ABR: variants seen among roughly 807,000 people sequenced by gnomAD.
ABR encodes the protein active breakpoint cluster region-related protein.
A neutral mutation model predicts 107.2 loss-of-function variants in ABR; 35 were observed. The observed-to-expected ratio is 0.33, with a 90% CI of 0.25 to 0.43. The LOEUF (loss-of-function observed/expected upper bound fraction) is 0.43, where lower values mean the gene tolerates loss of function less well. ABR is among the 20% of genes least tolerant of loss of function. The pLI is 1.00. For synonymous variants in ABR, 498 were observed against 462.0 expected, an observed-to-expected ratio of 1.08 and a Z score of -1.00; for missense variants, 815 against 1,115.2, an observed-to-expected ratio of 0.73 and a Z score of 3.83.
At chr17:1,211,585 T>C (rs914767665) in intron 1 of ABR, among the ~76,000 whole-genome samples, 2 of 152,194 alleles carry the variant, frequency 1.3e-5, no homozygotes, top group Non-Finnish European at 1.5e-5. Flanking sequence ...TTCCAGGAAA[T>C]AGACACTATT....
At position 1,010,854 on chromosome 17, in the gene ABR, T is replaced by A. The variant is rs1473364890; in HGVS notation, c.2111A>T (p.Asp704Val). The A allele has an allele frequency of 1.2e-6, 2 of 1,613,732 alleles. No individual in the cohort carries two copies. The highest frequency in any genetic ancestry group is 1.7e-6 in the Non-Finnish European group (2 of 1,179,990). The change falls in exon 20 of 23, where the codon GAC (aspartate) becomes GTC (valine). Residue 704 changes from aspartate to valine, a missense_variant. Transcript: ENST00000302538. The surrounding 1 kb of genome is among the most constrained non-coding windows in gnomAD (Gnocchi z 4.1). ...LKAVFDANNK[D>V]ILLMLSDMDI... ...CATGTCACTCAGCATCAGCAGGATG[T>A]CCTTGTTATCTGCAGGGGTGGGGCC...
upstream of ABR, among the ~76,000 whole-genome samples, chr17:1,180,052 T>TG (rs1555614481): frequency 1.6e-4 from 2 of 12,566 alleles, no homozygotes; most frequent in African/African-American, 7.2e-4. Context: ...GGCGGGGCTT[T>TG]GGTGCGGGGG....
chr17:1,128,210 A>G (rs2151461757), intron 1 of ABR, among the ~76,000 whole-genome samples: 1 of 152,308 alleles, frequency 6.6e-6, no homozygotes, highest in African/African-American at 2.4e-5. Context: ...AACCAGGAAA[A>G]GGGGTACAGA....
chr17:1,023,003 CCAGAGCCTCTGCCGGCCCCACGTCCACTG>C (rs2071818975), intron 16 of ABR, among the ~76,000 whole-genome samples: 1 of 144,920 alleles, frequency 6.9e-6, no homozygotes, highest in Non-Finnish European at 1.5e-5. Context: ...CACGTCCGCT[CCAGAGCCTCTGCCGGCCCCACGTCCACTG>C]CAGAGCCTCT....
intron 4 of ABR, among the ~76,000 whole-genome samples, chr17:1,089,348 G>A (rs911073655): frequency 1.6e-4 from 25 of 152,170 alleles, no homozygotes; most frequent in Non-Finnish European, 3.1e-4. Context: ...GCAGTTTTCA[G>A]ATATTAACTC....
At chr17:1,181,567 G>A (rs1375340313), upstream of ABR, among the ~76,000 whole-genome samples, 2 of 152,330 alleles carry the variant, frequency 1.3e-5, no homozygotes, top group South Asian at 2.1e-4. Context: ...GGAGGGCCAA[G>A]CAGGCACCTG....
At chr17:1,172,554 T>A (rs748439139) in intron 1 of ABR, among the ~76,000 whole-genome samples, 2 of 151,958 alleles carry the variant, frequency 1.3e-5, no homozygotes, top group Non-Finnish European at 2.9e-5. Context: ...ATCGAGACCA[T>A]CCTGGCCAAC....
chr17:1,180,186 C>T (rs1430042008), upstream of ABR, among the ~76,000 whole-genome samples: 2 of 151,940 alleles, frequency 1.3e-5, no homozygotes, highest in African/African-American at 4.8e-5. Flanking sequence ...CGGGGGGTCT[C>T]CAGGCGGCGG....
chr17:1,135,554 A>G (rs1042678920), intron 1 of ABR, among the ~76,000 whole-genome samples: 58 of 151,696 alleles, frequency 3.8e-4, no homozygotes, highest in Admixed American at 2.0e-4. Context: ...CCCAGCCCTG[A>G]CCATTATTCC....
intron 16 of ABR, among the ~76,000 whole-genome samples, chr17:1,023,775 A>G (rs73283481): frequency 0.016 from 2,395 of 152,264 alleles, 60 homozygotes; most frequent in East Asian, 0.12. Flanking sequence ...CTGTAATCCC[A>G]GCACTGTGGG....
intron 2 of ABR, chr17:1,108,822 G>C (rs545752104): frequency 4.5e-6 from 4 of 882,906 alleles, no homozygotes; most frequent in Admixed American, 8.4e-5. Flanking sequence ...ACCCTCCGCC[G>C]AGGGCTTCCA....
At chr17:1,101,887 C>T (rs954338658) in intron 2 of ABR, among the ~76,000 whole-genome samples, 1 of 152,076 alleles carries the variant, frequency 6.6e-6, no homozygotes, top group Non-Finnish European at 1.5e-5. Context: ...GCTCCCGCCA[C>T]CACGCCCAGC....
In ABR at chr17:1,106,841, C is replaced by T. The variant is rs189846150; in HGVS notation, c.247-6106G>A. Among the ~76,000 whole-genome samples, 277 of 152,306 alleles carry T rather than the reference C, an allele frequency of 1.8e-3. 1 individual carries two copies. Among genetic ancestry groups the T allele is most frequent in the African/African-American group, 6.2e-3 (257 of 41,582 alleles). The stretch of plus-strand genomic sequence containing the variant: ...CACCGCATCTGGCCCACCCTGCCTA[C>T]TTCCGTACTCTATTCCTACTCCCTG... On this transcript the variant is annotated intron_variant, in intron 2 of 22. Transcript: ENST00000302538.
At chr17:1,008,892 T>G (rs1210133938) in intron 21 of ABR, among the ~76,000 whole-genome samples, 1 of 152,180 alleles carries the variant, frequency 6.6e-6, no homozygotes, top group Non-Finnish European at 1.5e-5. Context: ...TGGACCTGAC[T>G]AGAAAGGGTG....
chr17:1,026,505 G>A (rs180836309), intron 16 of ABR, among the ~76,000 whole-genome samples: 4 of 152,158 alleles, frequency 2.6e-5, no homozygotes, highest in Admixed American at 2.6e-4. Flanking sequence ...GTCTTGAAGC[G>A]GGACTGGGGA....
chr17:1,194,658 ATT>A (rs1177252815), intron 1 of ABR, among the ~76,000 whole-genome samples: 1 of 112,602 alleles, frequency 8.9e-6, no homozygotes, highest in Non-Finnish European at 1.9e-5. Context: ...CACCCAGCTA[ATT>A]TTTTTTTTTT....
chr17:1,137,867 A>T (rs572374600), intron 1 of ABR, among the ~76,000 whole-genome samples: 1 of 152,028 alleles, frequency 6.6e-6, no homozygotes, highest in Non-Finnish European at 1.5e-5. Context: ...TTTAGGTTGG[A>T]GCAAAGGTAA....
rs1228192671 is a variant in ABR, at chr17:1,207,192, C to T, written c.838+21601G>A. ...GCTTGAGCCCAGGAGTTCAAGGGTG[C>T]CAGTGAGCTGTGATTGTGCCACTGG... On this transcript the variant is annotated intron_variant, in intron 1 of 22. Transcript: ENST00000574139. Among the ~76,000 whole-genome samples the T allele has an allele frequency of 9.9e-5, 15 of 151,400 alleles. No homozygotes were observed. The South Asian group carries it at 3.1e-3, about 32-fold the overall frequency.
Position 1,004,871 on chromosome 17 carries a change from G to A in ABR, c.*1209C>T. 1 of 396,598 alleles carries A rather than the reference G, an allele frequency of 2.5e-6. No homozygotes were observed. Among genetic ancestry groups the A allele is most frequent in the Non-Finnish European group, 4.4e-6 (1 of 225,074 alleles). The allele number at this position is 396,598 out of a possible 1,614,324, so 24.6% of individuals were successfully genotyped here. A position where few individuals can be genotyped will look rare whatever the true frequency, so the allele number is the denominator to read the frequency against. ...CTGTGCCTTTGCTTCCCAGGTCCTG[G>A]AGGACCGTGGCAGTGCTTGGCTGTG... On this transcript the variant is annotated 3_prime_UTR_variant, in exon 23 of 23. Coordinates refer to ENST00000302538, the MANE Select transcript of ABR (RefSeq NM_021962.5).
Sources: allele counts gnomAD v4.1 joint callset (sites outside exome capture counted in the v4.1 genomes callset), GRCh38; gene constraint gnomAD v4.1.1; non-coding constraint Gnocchi (gnomAD v3.1); transcripts MANE v1.5; gene names NCBI Gene and HGNC (gene_info 2026-07-23, HGNC 2026-07-21).